SLIT2: variants seen among roughly 807,000 people sequenced by gnomAD.
The protein encoded by SLIT2 is slit guidance ligand 2.
SLIT2 carries 41 observed loss-of-function variants against 185.7 expected under a neutral mutation model. The ratio of observed to expected loss-of-function variants is 0.22; its 90% confidence interval spans 0.17 to 0.29. The LOEUF (loss-of-function observed/expected upper bound fraction) is 0.29, where lower values mean the gene tolerates loss of function less well. Among genes scored for constraint, SLIT2 ranks in the 10% least tolerant of loss-of-function variants. SLIT2 has a pLI of 1.00. For missense variants in SLIT2, 1,571 were observed against 1,909.0 expected, an observed-to-expected ratio of 0.82 and a Z score of 3.30; for synonymous variants, 693 against 680.2, an observed-to-expected ratio of 1.02 and a Z score of -0.29.
At chr4:20,345,458 A>G (rs994314899) in intron 4 of SLIT2, among the ~76,000 whole-genome samples, 1 of 148,738 alleles carries the variant, frequency 6.7e-6, no homozygotes, top group African/African-American at 2.5e-5. Context: ...TACTTTAAAA[A>G]TCTGGCTCTT....
intron 29 of SLIT2, among the ~76,000 whole-genome samples, chr4:20,571,534 C>T (rs551587831): frequency 6.6e-6 from 1 of 152,188 alleles, no homozygotes; most frequent in African/African-American, 2.4e-5. Flanking sequence ...ACATAAGTGA[C>T]CTTTAATTAT....
intron 4 of SLIT2, among the ~76,000 whole-genome samples, chr4:20,308,233 C>A (rs757959737): frequency 2.0e-5 from 3 of 152,072 alleles, no homozygotes; most frequent in African/African-American, 7.2e-5. Flanking sequence ...CATTCAGAAA[C>A]GGGATGTCAT....
intron 4 of SLIT2, among the ~76,000 whole-genome samples, chr4:20,318,914 T>G (rs1448925827): frequency 6.6e-6 from 1 of 152,176 alleles, no homozygotes; most frequent in East Asian, 1.9e-4. Flanking sequence ...GTAATATATA[T>G]GGTGGACGAC....
chr4:20,422,521 G>A (rs897713170), intron 4 of SLIT2, among the ~76,000 whole-genome samples: 6 of 152,142 alleles, frequency 3.9e-5, no homozygotes, highest in African/African-American at 1.2e-4. Flanking sequence ...ATGCAATACA[G>A]GTCACCATCA....
intron 4 of SLIT2, among the ~76,000 whole-genome samples, chr4:20,313,000 A>G (rs1459851020): frequency 2.6e-5 from 4 of 152,128 alleles, no homozygotes; most frequent in African/African-American, 4.8e-5. Flanking sequence ...TTTCAGTTCT[A>G]TGATTGGGTT....
At chr4:20,313,352 A>T (rs1386044857) in intron 4 of SLIT2, among the ~76,000 whole-genome samples, 1 of 152,112 alleles carries the variant, frequency 6.6e-6, no homozygotes, top group East Asian at 1.9e-4. Flanking sequence ...CAGATGCCGT[A>T]TGTTTTTAAA....
At chr4:20,282,491 G>A (rs1714868683) in intron 4 of SLIT2, among the ~76,000 whole-genome samples, 1 of 152,012 alleles carries the variant, frequency 6.6e-6, no homozygotes, top group Admixed American at 6.5e-5. Context: ...CAATTCTCAA[G>A]AATATGTAAT....
chr4:20,442,718 C>T (rs1004276229), intron 4 of SLIT2, among the ~76,000 whole-genome samples: 1 of 151,930 alleles, frequency 6.6e-6, no homozygotes, highest in African/African-American at 2.4e-5. Context: ...GCAGAGTTTT[C>T]GTGTTCGGTG....
intron 4 of SLIT2, among the ~76,000 whole-genome samples, chr4:20,444,015 G>GT (rs1729966166): frequency 6.6e-6 from 1 of 152,144 alleles, no homozygotes; most frequent in Non-Finnish European, 1.5e-5. Flanking sequence ...GCTGGAAGGG[G>GT]TATGTATTAA....
At chr4:20,374,851 C>T (rs940148859) in intron 4 of SLIT2, among the ~76,000 whole-genome samples, 13 of 152,214 alleles carry the variant, frequency 8.5e-5, no homozygotes, top group African/African-American at 2.6e-4. Context: ...TAAAGGCTTA[C>T]GTTCACTCGA....
intron 4 of SLIT2, among the ~76,000 whole-genome samples, chr4:20,301,954 T>C (rs767402043): frequency 6.6e-6 from 1 of 152,238 alleles, no homozygotes; most frequent in Non-Finnish European, 1.5e-5. Context: ...AATCAAGCCT[T>C]GCCTTGTAGT....
intron 5 of SLIT2, among the ~76,000 whole-genome samples, chr4:20,469,284 A>C (rs1319063923): frequency 6.6e-6 from 1 of 152,112 alleles, no homozygotes; most frequent in Non-Finnish European, 1.5e-5. Context: ...TAGTAATGCT[A>C]TTTGCAGTCT....
At chr4:20,297,054 C>A (rs576430783) in intron 4 of SLIT2, among the ~76,000 whole-genome samples, 4 of 152,248 alleles carry the variant, frequency 2.6e-5, no homozygotes, top group Admixed American at 2.0e-4. Context: ...CATTTTTTCC[C>A]GTTTTGAACC....
At position 20,410,230 on chromosome 4, in the gene SLIT2, T is replaced by TTTTC. The variant is rs1160312138; in HGVS notation, c.396-57514_396-57511dup. On this transcript the variant is annotated intron_variant, in intron 4 of 36. Coordinates refer to ENST00000504154, the MANE Select transcript of SLIT2 (RefSeq NM_004787.4). Reference sequence around the variant, plus strand: ...CACATTTAAGTCTTGGTTTTTTTTCTTTTCTTTCTTTTCTTTTTTTTTTTT... The same window carrying TTTTC: ...CACATTTAAGTCTTGGTTTTTTTTCTTTTCTTTCTTTCTTTTCTTTTTTTTTTTT... 5.6e-5 allele frequency among the ~76,000 whole-genome samples: 8 copies of TTTTC among 143,956 alleles called. No individual in the cohort carries two copies. In the East Asian group the frequency reaches 1.4e-3, roughly 25 times the overall value. The allele number at this position is 143,956 out of a possible 152,430, so 94.4% of individuals were successfully genotyped here.
intron 36 of SLIT2, among the ~76,000 whole-genome samples, chr4:20,618,253 C>T (rs747416536): frequency 5.5e-4 from 84 of 152,250 alleles, no homozygotes; most frequent in Non-Finnish European, 9.7e-4. Context: ...GTCCAAGGGA[C>T]GAGACAAGAG....
intron 4 of SLIT2, among the ~76,000 whole-genome samples, chr4:20,450,713 CA>C (rs1427202190): frequency 6.6e-6 from 1 of 152,150 alleles, no homozygotes; most frequent in Non-Finnish European, 1.5e-5. Flanking sequence ...TTCTGTGAGT[CA>C]AAATGCTATG....
chr4:20,283,038 C>G (rs1560281401), intron 4 of SLIT2, among the ~76,000 whole-genome samples: 1 of 152,074 alleles, frequency 6.6e-6, no homozygotes, highest in Non-Finnish European at 1.5e-5. Flanking sequence ...TATTTTCTAA[C>G]AATTTCATTA....
At position 20,491,927 on chromosome 4, in the gene SLIT2, C is replaced by T. The variant is rs200930309; in HGVS notation, c.914+28C>T. 563 of 1,603,762 alleles carry T rather than the reference C, an allele frequency of 3.5e-4. 1 individual carries two copies. The highest frequency in any genetic ancestry group is 4.4e-4 in the Non-Finnish European group (517 of 1,174,820). ...ATGTGCCTGAAATTCTTTCTTATCT[C>T]CCCACCTTCCCGGTGAACCAAACTT... On this transcript the variant is annotated intron_variant, in intron 9 of 36. Coordinates refer to ENST00000504154, the MANE Select transcript of SLIT2 (RefSeq NM_004787.4).
At chr4:20,334,571 C>T (rs1560327109) in intron 4 of SLIT2, among the ~76,000 whole-genome samples, 1 of 152,120 alleles carries the variant, frequency 6.6e-6, no homozygotes, top group African/African-American at 2.4e-5. Flanking sequence ...TTACATAATC[C>T]TACACTCAGA....
Sources: gnomAD v4.1 joint callset for allele counts (sites outside exome capture counted in the v4.1 genomes callset) on GRCh38, gnomAD v4.1.1 for gene constraint, MANE v1.5 for transcripts, NCBI Gene and HGNC (gene_info 2026-07-23, HGNC 2026-07-21) for gene names.